The following ROR2 variants were observed in gnomAD, a reference collection of about 807,000 sequenced individuals.
ROR2 encodes the protein ROR family WNT receptor 2.
ROR2 carries 33 observed loss-of-function variants against 74.9 expected under a neutral mutation model. The observed-to-expected ratio is 0.44, with a 90% CI of 0.33 to 0.59. The LOEUF (loss-of-function observed/expected upper bound fraction) is 0.59, where lower values mean the gene tolerates loss of function less well. Among genes scored for constraint, ROR2 ranks in the 20% least tolerant of loss-of-function variants. The pLI is 0.02. For synonymous variants in ROR2, 586 were observed against 558.7 expected (o/e 1.05, Z -0.69); for missense variants, 1,216 against 1,313.8 (o/e 0.93, Z 1.15).
At chr9:91,802,235 G>A (rs1010623411) in intron 1 of ROR2, among the ~76,000 whole-genome samples, 11 of 148,774 alleles carry the variant, frequency 7.4e-5, no homozygotes, top group South Asian at 2.1e-4. Context: ...CACCAGGCCC[G>A]GCTAACTTTT....
chr9:91,926,136 C>T (rs193041449), intron 1 of ROR2, among the ~76,000 whole-genome samples: 3,065 of 152,012 alleles, frequency 0.02, 103 homozygotes, highest in African/African-American at 0.07. Context: ...AATCCCAGCA[C>T]TTTGGGAGGC....
rs531908238 is a variant in ROR2, at chr9:91,733,030, C to T, written c.937+92G>A. ...TTCTGTGGGGCCTGGACAGATGGGG[C>T]TCCCTGGGCTTCACCGACACCCCCA... On this transcript the variant is annotated intron_variant, in intron 6 of 8. Transcript: ENST00000375708. The surrounding 1 kb of genome is among the most constrained non-coding windows in gnomAD (Gnocchi z 5.7). The T allele has an allele frequency of 3.2e-6, 4 of 1,269,132 alleles. No homozygotes were observed. The highest frequency in any genetic ancestry group is 4.4e-6 in the Non-Finnish European group (4 of 918,768). The allele number at this position is 1,269,132 out of a possible 1,614,324, so 78.6% of individuals were successfully genotyped here.
At position 91,800,342 on chromosome 9, in the gene ROR2, C is replaced by CA. The variant is rs576971389; in HGVS notation, c.98-24525dup. 1.8e-3 allele frequency among the ~76,000 whole-genome samples: 242 copies of CA among 131,250 alleles called. 1 individual carries two copies. Among genetic ancestry groups the CA allele is most frequent in the African/African-American group, 3.2e-3 (110 of 34,190 alleles). 86.1% of individuals were successfully genotyped at this position (131,250 alleles called of 152,430 possible). A position where few individuals can be genotyped will look rare whatever the true frequency, so the allele number is the denominator to read the frequency against. Reference sequence around the variant, plus strand: ...GGGTGACAAGAGCAAGACTCCGTCTCAAAAAAAAAAAAAGAGAGAGAGAGA... The same window carrying CA: ...GGGTGACAAGAGCAAGACTCCGTCTCAAAAAAAAAAAAAAGAGAGAGAGAGA... On this transcript the variant is annotated intron_variant, in intron 1 of 8. Transcript: ENST00000375708.
chr9:91,724,885 C>T lies in ROR2; in HGVS notation c.1609G>A (p.Val537Ile), dbSNP rs768540708. The change falls in exon 9 of 9, where the codon GTC (valine) becomes ATC (isoleucine). Residue 537 changes from valine to isoleucine, a missense_variant. Transcript: ENST00000375708. ...LRARLQHPNV[V>I]CLLGVVTKDQ... ...TTGGTCACCACGCCCAGCAGGCAGA[C>T]GACGTTGGGGTGTTGCAGCCGTGCT... is the stretch of plus-strand genomic sequence containing the variant. The T allele has an allele frequency of 1.4e-5, 23 of 1,603,648 alleles. No individual in the cohort carries two copies. Among genetic ancestry groups the T allele is most frequent in the South Asian group, 8.9e-5 (8 of 90,074 alleles).
At chr9:91,871,076 A>C (rs544274613) in intron 1 of ROR2, among the ~76,000 whole-genome samples, 1 of 152,350 alleles carries the variant, frequency 6.6e-6, no homozygotes, top group East Asian at 1.9e-4. Flanking sequence ...TGACCAAAGA[A>C]ACCCTCGGTT....
intron 1 of ROR2, among the ~76,000 whole-genome samples, chr9:91,820,398 T>C (rs190064459): frequency 6.6e-6 from 1 of 152,282 alleles, no homozygotes. Context: ...TTCAATGCCC[T>C]GAACACATTC....
At chr9:91,728,603 A>G (rs113563715) in intron 7 of ROR2, among the ~76,000 whole-genome samples, 2,741 of 151,992 alleles carry the variant, frequency 0.018, 80 homozygotes, top group African/African-American at 0.063. Context: ...GCTAATTTTT[A>G]TATGTTTAGT....
At chr9:91,922,738 CCACCGCG>C (rs1831304471) in intron 1 of ROR2, among the ~76,000 whole-genome samples, 1 of 152,178 alleles carries the variant, frequency 6.6e-6, no homozygotes, top group Non-Finnish European at 1.5e-5. Context: ...CAGGCAGGAG[CCACCGCG>C]CCCGACCAAG....
chr9:91,788,880 T>C (rs529025711), intron 1 of ROR2, among the ~76,000 whole-genome samples: 1 of 140,296 alleles, frequency 7.1e-6, no homozygotes, highest in East Asian at 2.2e-4. Flanking sequence ...AAAAAAAAAA[T>C]CAATATCCAG....
intron 1 of ROR2, among the ~76,000 whole-genome samples, chr9:91,813,065 C>A (rs1479923143): frequency 1.3e-5 from 2 of 152,162 alleles, no homozygotes; most frequent in Non-Finnish European, 2.9e-5. Flanking sequence ...TTGCCCACAA[C>A]AGCCCTGCCA....
intron 1 of ROR2, among the ~76,000 whole-genome samples, chr9:91,820,930 C>T (rs970544416): frequency 1.3e-4 from 19 of 151,908 alleles, no homozygotes; most frequent in African/African-American, 3.9e-4. Context: ...GGTGAAACCC[C>T]GTCTCTACTA....
chr9:91,930,744 C>T (rs1253376734), intron 1 of ROR2, among the ~76,000 whole-genome samples: 1 of 152,152 alleles, frequency 6.6e-6, no homozygotes, highest in African/African-American at 2.4e-5. Flanking sequence ...TACAACACAC[C>T]TATAAGCGGT....
chr9:91,933,921 T>C (rs1831615398), intron 1 of ROR2, among the ~76,000 whole-genome samples: 1 of 152,210 alleles, frequency 6.6e-6, no homozygotes, highest in African/African-American at 2.4e-5. Flanking sequence ...TGGATGGTAG[T>C]AATGGTCAAG....
At chr9:91,794,869 C>A (rs1297401792) in intron 1 of ROR2, among the ~76,000 whole-genome samples, 2 of 152,092 alleles carry the variant, frequency 1.3e-5, no homozygotes, top group African/African-American at 4.8e-5. Flanking sequence ...TACCTGTAAT[C>A]CCAGCACTTT....
At chr9:91,809,492 G>T (rs1442836869) in intron 1 of ROR2, among the ~76,000 whole-genome samples, 1 of 152,230 alleles carries the variant, frequency 6.6e-6, no homozygotes, top group Non-Finnish European at 1.5e-5. Flanking sequence ...CTGCTTCACA[G>T]TTCTCTCCGC....
At chr9:91,846,994 T>A (rs1372994561) in intron 1 of ROR2, among the ~76,000 whole-genome samples, 1 of 152,038 alleles carries the variant, frequency 6.6e-6, no homozygotes, top group East Asian at 1.9e-4. Flanking sequence ...GGATTCACCA[T>A]GGGGCAGAGC....
Position 91,726,762 on chromosome 9 carries a change from T to A in ROR2, c.1184-19A>T. On this transcript the variant is annotated intron_variant, in intron 7 of 8. Transcript: ENST00000375708. ...CGGGGACCTGTGAACAATAAGGCTT[T>A]CGTGATTTTTCAGAAAACATCCCTT... 1 of 1,612,724 alleles carries A rather than the reference T, an allele frequency of 6.2e-7. No homozygotes were observed. Among genetic ancestry groups the A allele is most frequent in the Non-Finnish European group, 8.5e-7 (1 of 1,179,086 alleles).
At chr9:91,769,865 G>A (rs1300817962) in intron 2 of ROR2, among the ~76,000 whole-genome samples, 5 of 152,140 alleles carry the variant, frequency 3.3e-5, no homozygotes, top group South Asian at 2.1e-4. Context: ...AGACCACGCC[G>A]CCTCATACTG....
chr9:91,869,880 T>C (rs1246632817), intron 1 of ROR2, among the ~76,000 whole-genome samples: 1 of 152,180 alleles, frequency 6.6e-6, no homozygotes, highest in African/African-American at 2.4e-5. Flanking sequence ...TAAGCATTCA[T>C]AAAAGTTATC....
Sources: allele counts gnomAD v4.1 joint callset (sites outside exome capture counted in the v4.1 genomes callset), GRCh38; gene constraint gnomAD v4.1.1; non-coding constraint Gnocchi (gnomAD v3.1); transcripts MANE v1.5; gene names NCBI Gene and HGNC (gene_info 2026-07-23, HGNC 2026-07-21).